SLC44A5: variants seen among roughly 807,000 people sequenced by gnomAD.
SLC44A5 encodes choline transporter-like protein 5.
SLC44A5 carries 57 observed loss-of-function variants against 101.8 expected under a neutral mutation model. That is an observed-to-expected ratio of 0.56 (90% CI 0.45 to 0.70). SLC44A5 has a LOEUF of 0.70. Ranked by LOEUF, SLC44A5 falls within the 30% of genes least tolerant of loss-of-function variation. The pLI, the probability that SLC44A5 is intolerant of heterozygous loss-of-function variation, is 0.00. For synonymous variants in SLC44A5, 281 were observed against 290.9 expected, an observed-to-expected ratio of 0.97 and a Z score of 0.35; for missense variants, 737 against 853.1, an observed-to-expected ratio of 0.86 and a Z score of 1.70.
At chr1:75,615,473 A>ACACACACG (rs1675838997), upstream of SLC44A5, among the ~76,000 whole-genome samples, 1 of 119,656 alleles carries the variant, frequency 8.4e-6, no homozygotes, top group South Asian at 3.0e-4. Flanking sequence ...ACACACACAC[A>ACACACACG]CACACGAGAG....
intron 1 of SLC44A5, among the ~76,000 whole-genome samples, chr1:75,610,641 A>C (rs1364198446): frequency 6.6e-6 from 1 of 152,074 alleles, no homozygotes; most frequent in Non-Finnish European, 1.5e-5. Context: ...TTGGAAGGGG[A>C]GTATGAACAG....
At chr1:75,441,699 G>C (rs545210452) in intron 2 of SLC44A5, among the ~76,000 whole-genome samples, 4 of 151,946 alleles carry the variant, frequency 2.6e-5, no homozygotes, top group Admixed American at 6.6e-5. Context: ...AATACAGCAT[G>C]GTCTTCTCTG....
At chr1:75,647,207 A>G in the SLC44A5 span, among the ~76,000 whole-genome samples, 6 of 152,206 alleles carry the variant, frequency 3.9e-5, no homozygotes, top group Non-Finnish European at 8.8e-5. Context: ...AGCCCAGGCC[A>G]TTGCTTCAGA....
the SLC44A5 span, among the ~76,000 whole-genome samples, chr1:75,634,621 T>C: frequency 6.6e-6 from 1 of 151,500 alleles, no homozygotes; most frequent in Admixed American, 6.6e-5. Context: ...TGTAGAAAGC[T>C]GAAACTGGAT....
At chr1:75,345,113 T>C (rs894253901) in intron 3 of SLC44A5, among the ~76,000 whole-genome samples, 14 of 151,514 alleles carry the variant, frequency 9.2e-5, no homozygotes, top group African/African-American at 2.4e-4. Context: ...CACCAGCAAA[T>C]CACTTTAGAT....
chr1:75,434,361 G>A (rs1177119801), intron 2 of SLC44A5, among the ~76,000 whole-genome samples: 1 of 152,058 alleles, frequency 6.6e-6, no homozygotes, highest in Non-Finnish European at 1.5e-5. Flanking sequence ...GACAATTACA[G>A]AAGCTATTAA....
At chr1:75,450,002 A>G (rs538003670) in intron 2 of SLC44A5, among the ~76,000 whole-genome samples, 1 of 152,272 alleles carries the variant, frequency 6.6e-6, no homozygotes, top group East Asian at 1.9e-4. Context: ...TCTATCTCAA[A>G]AAAAAAAATT....
At chr1:75,318,532 G>A (rs1655891384) in intron 4 of SLC44A5, among the ~76,000 whole-genome samples, 1 of 152,042 alleles carries the variant, frequency 6.6e-6, no homozygotes, top group African/African-American at 2.4e-5. Context: ...TTTATTTTAT[G>A]CAAAAGCACA....
At chr1:75,267,335 T>C (rs1456718944) in intron 6 of SLC44A5, among the ~76,000 whole-genome samples, 1 of 152,168 alleles carries the variant, frequency 6.6e-6, no homozygotes, top group African/African-American at 2.4e-5. Flanking sequence ...CTGGTTTTTT[T>C]TTCTTTTAAA....
the SLC44A5 span, among the ~76,000 whole-genome samples, chr1:75,665,406 GAAGA>G: frequency 6.6e-6 from 1 of 152,150 alleles, no homozygotes; most frequent in Non-Finnish European, 1.5e-5. Context: ...GCCATATGCA[GAAGA>G]AAGAAACTGG....
chr1:75,704,089 C>T, the SLC44A5 span, among the ~76,000 whole-genome samples: 1 of 151,880 alleles, frequency 6.6e-6, no homozygotes, highest in African/African-American at 2.4e-5. Flanking sequence ...ACTAATGAAT[C>T]AATGTGTTAC....
At chr1:75,303,901 A>T (rs1017945849) in intron 4 of SLC44A5, among the ~76,000 whole-genome samples, 4 of 152,196 alleles carry the variant, frequency 2.6e-5, no homozygotes, top group African/African-American at 7.2e-5. Context: ...GCATGTATAC[A>T]TATGTAACAA....
chr1:75,687,185 C>T, the SLC44A5 span, among the ~76,000 whole-genome samples: 1 of 152,174 alleles, frequency 6.6e-6, no homozygotes, highest in Non-Finnish European at 1.5e-5. Context: ...CCTAGGACCT[C>T]ATTACACACT....
chr1:75,307,682 A>G (rs1169290447), intron 4 of SLC44A5, among the ~76,000 whole-genome samples: 1 of 152,226 alleles, frequency 6.6e-6, no homozygotes, highest in Non-Finnish European at 1.5e-5. Context: ...GTTTGAAAGC[A>G]TTAATTGTAT....
intron 2 of SLC44A5, among the ~76,000 whole-genome samples, chr1:75,538,915 A>T (rs2101944877): frequency 6.6e-6 from 1 of 152,230 alleles, no homozygotes; most frequent in African/African-American, 2.4e-5. Context: ...TCCATGCCCC[A>T]GTCACAGGAG....
At chr1:75,476,556 C>T (rs991321762) in intron 2 of SLC44A5, among the ~76,000 whole-genome samples, 8 of 152,346 alleles carry the variant, frequency 5.3e-5, no homozygotes, top group East Asian at 1.9e-4. Context: ...CTGAATACTG[C>T]GCTTTTCCGA....
rs181724295 is a variant in SLC44A5, at chr1:75,470,931, T to C, written c.13+70504A>G. Among the ~76,000 whole-genome samples the C allele has an allele frequency of 1.2e-4, 18 of 152,212 alleles. No homozygotes were observed. The East Asian group carries it at 3.5e-3, about 30-fold the overall frequency. Reference sequence around the variant, plus strand: ...CTGTTTCTGCTTTGACTCCCTACCTTTGGTGGGTTTCTAACTCCTCAATTA... The same window carrying C: ...CTGTTTCTGCTTTGACTCCCTACCTCTGGTGGGTTTCTAACTCCTCAATTA... On this transcript the variant is annotated intron_variant, in intron 2 of 23. Transcript: ENST00000370859.
Position 75,234,103 on chromosome 1 carries a change from A to G in SLC44A5, c.741-5T>C, listed in dbSNP as rs773337967. 1.6e-5 allele frequency: 25 copies of G among 1,605,588 alleles called. No homozygotes were observed. The highest frequency in any genetic ancestry group is 2.0e-5 in the Non-Finnish European group (23 of 1,172,712). On this transcript the variant is annotated splice_region_variant and splice_polypyrimidine_tract_variant and intron_variant, in intron 11 of 23. Coordinates refer to ENST00000370859, the MANE Select transcript of SLC44A5 (RefSeq NM_001130058.2). ...ACCATGGCAATCGTCAGGCCACTAG[A>G]AAAAACCCACAACAAACACAGTGGT... is the stretch of plus-strand genomic sequence containing the variant.
intron 5 of SLC44A5, among the ~76,000 whole-genome samples, chr1:75,286,743 T>G (rs1653085068): frequency 6.6e-6 from 1 of 152,070 alleles, no homozygotes; most frequent in Non-Finnish European, 1.5e-5. Flanking sequence ...AAACTTGGTT[T>G]TGCTGGTTTT....
Sources: gnomAD v4.1 joint callset for allele counts (sites outside exome capture counted in the v4.1 genomes callset) on GRCh38, gnomAD v4.1.1 for gene constraint, MANE v1.5 for transcripts, NCBI Gene and HGNC (gene_info 2026-07-23, HGNC 2026-07-21) for gene names.